ILRUN: variants seen among roughly 807,000 people sequenced by gnomAD.
The protein encoded by ILRUN is protein ILRUN.
In ILRUN, 3 loss-of-function variants were observed where a neutral mutation model predicts 33.8. The ratio of observed to expected loss-of-function variants is 0.09; its 90% CI spans 0.04 to 0.23. The LOEUF is 0.23. Ranked by LOEUF, ILRUN falls within the 10% of genes least tolerant of loss-of-function variation. ILRUN has a pLI of 1.00. For synonymous variants in ILRUN, 124 were observed against 138.9 expected, an observed-to-expected ratio of 0.89 and a Z score of 0.75; for missense variants, 210 against 375.1, an observed-to-expected ratio of 0.56 and a Z score of 3.64.
chr6:34,653,932 T>C lies in ILRUN; in HGVS notation c.313+693A>G, dbSNP rs191868605. Reference sequence around the variant, plus strand: ...GCTATAGTGAGCCATGATCACAACATTGCACTCCAGCCTGGGCAACAGAGC... The same window carrying C: ...GCTATAGTGAGCCATGATCACAACACTGCACTCCAGCCTGGGCAACAGAGC... On this transcript the variant is annotated intron_variant, in intron 2 of 4. Transcript: ENST00000374023. Among the ~76,000 whole-genome samples, 29 of 148,356 alleles carry C rather than the reference T, an allele frequency of 2.0e-4. No individual in the cohort carries two copies. In the South Asian group the frequency reaches 2.6e-3, roughly 13 times the overall value.
intron 1 of ILRUN, among the ~76,000 whole-genome samples, chr6:34,657,655 T>C (rs1762801822): frequency 1.3e-5 from 2 of 152,172 alleles, no homozygotes; most frequent in African/African-American, 4.8e-5. Flanking sequence ...GCCCGAGTGA[T>C]CTAACCCATC....
At chr6:34,616,777 A>G (rs1191503322) in intron 3 of ILRUN, 2 of 691,498 alleles carry the variant, frequency 2.9e-6, no homozygotes. Context: ...CAGAACTCAA[A>G]TTGGCATTTA....
intron 4 of ILRUN, among the ~76,000 whole-genome samples, chr6:34,599,209 T>C (rs1440490656): frequency 6.6e-6 from 1 of 152,252 alleles, no homozygotes; most frequent in Non-Finnish European, 1.5e-5. Flanking sequence ...AAGTTACTTA[T>C]AATACTTCCC....
intron 1 of ILRUN, 146 bp downstream of exon 1, chr6:34,696,300 G>A: frequency 1.2e-6 from 1 of 823,356 alleles, no homozygotes; most frequent in Admixed American, 2.9e-5. Flanking sequence ...TGCCCACGGG[G>A]CTCCCCGACT....
At chr6:34,660,782 T>G (rs2127370371) in intron 1 of ILRUN, among the ~76,000 whole-genome samples, 1 of 152,330 alleles carries the variant, frequency 6.6e-6, no homozygotes, top group South Asian at 2.1e-4. Context: ...CATTACATAC[T>G]TGTAACTACT....
intron 3 of ILRUN, among the ~76,000 whole-genome samples, chr6:34,639,003 T>C (rs1008077444): frequency 1.1e-4 from 17 of 152,238 alleles, no homozygotes; most frequent in East Asian, 7.7e-4. Context: ...TGTAACATGA[T>C]GTTACTAAAA....
intron 3 of ILRUN, 91 bp from the exon 4 acceptor site, chr6:34,606,995 C>T: frequency 2.1e-6 from 2 of 956,390 alleles, no homozygotes; most frequent in Non-Finnish European, 1.6e-6. Flanking sequence ...TTATCCAAAC[C>T]ACAGAATGAA....
chr6:34,614,410 A>C (rs1313096764), intron 3 of ILRUN, among the ~76,000 whole-genome samples: 1 of 145,068 alleles, frequency 6.9e-6, no homozygotes, highest in Non-Finnish European at 1.5e-5. Flanking sequence ...CGACAGAGCA[A>C]GACTCCATCT....
chr6:34,637,858 C>CTGT (rs1162665863), intron 3 of ILRUN, among the ~76,000 whole-genome samples: 59 of 127,494 alleles, frequency 4.6e-4, no homozygotes, highest in African/African-American at 1.3e-3. Context: ...GCTGCTGCTG[C>CTGT]TGCTGCTGTT....
intron 1 of ILRUN, among the ~76,000 whole-genome samples, chr6:34,689,677 G>C (rs938114555): frequency 2.0e-5 from 3 of 151,826 alleles, no homozygotes; most frequent in Non-Finnish European, 4.4e-5. Context: ...GGATTAACAG[G>C]CAAAGAAGGT....
chr6:34,620,984 TAG>T (rs1267603800), intron 3 of ILRUN, among the ~76,000 whole-genome samples: 2 of 152,230 alleles, frequency 1.3e-5, no homozygotes, highest in African/African-American at 4.8e-5. Context: ...CACTACTTTA[TAG>T]GAGTCTGCTC....
intron 3 of ILRUN, chr6:34,616,825 G>A: frequency 1.4e-6 from 1 of 700,722 alleles, no homozygotes; most frequent in Non-Finnish European, 2.6e-6. Context: ...TGAACCCAAA[G>A]GTCTGAAAGG....
At chr6:34,672,693 A>G (rs564058428) in intron 1 of ILRUN, among the ~76,000 whole-genome samples, 11 of 152,302 alleles carry the variant, frequency 7.2e-5, no homozygotes, top group African/African-American at 2.6e-4. Context: ...CCAGAAAACA[A>G]AGCAAACATT....
chr6:34,637,562 T>A (rs79454986), intron 3 of ILRUN, among the ~76,000 whole-genome samples: 1 of 152,136 alleles, frequency 6.6e-6, no homozygotes, highest in African/African-American at 2.4e-5. Context: ...TCTATACATG[T>A]GTATGGTAAG....
intron 3 of ILRUN, among the ~76,000 whole-genome samples, chr6:34,642,526 C>T (rs1247474174): frequency 2.0e-5 from 3 of 152,118 alleles, no homozygotes. Context: ...GGCTTTACCA[C>T]TGTGATCTTA....
At chr6:34,681,425 T>C (rs1763355408) in intron 1 of ILRUN, among the ~76,000 whole-genome samples, 1 of 152,064 alleles carries the variant, frequency 6.6e-6, no homozygotes, top group Non-Finnish European at 1.5e-5. Flanking sequence ...TTCCAACAAG[T>C]GAAAAACGTA....
chr6:34,651,749 T>TA (rs1346248466), intron 2 of ILRUN, among the ~76,000 whole-genome samples: 2,548 of 139,604 alleles, frequency 0.018, 58 homozygotes, highest in African/African-American at 0.05. Context: ...AAAAAAAAAA[T>TA]TATATATATA....
At chr6:34,600,230 G>T (rs537422108) in intron 4 of ILRUN, among the ~76,000 whole-genome samples, 6 of 152,180 alleles carry the variant, frequency 3.9e-5, no homozygotes, top group Admixed American at 3.9e-4. Context: ...CCCGCAAAAC[G>T]CTCCACAATC....
intron 4 of ILRUN, among the ~76,000 whole-genome samples, chr6:34,605,491 T>C (rs1034328077): frequency 1.3e-5 from 2 of 151,312 alleles, no homozygotes; most frequent in Non-Finnish European, 2.9e-5. Context: ...TAGCCAGGCA[T>C]GGTGGTGGGC....
Sources: gnomAD v4.1 joint callset for allele counts (sites outside exome capture counted in the v4.1 genomes callset) on GRCh38, gnomAD v4.1.1 for gene constraint, MANE v1.5 for transcripts, NCBI Gene and HGNC (gene_info 2026-07-23, HGNC 2026-07-21) for gene names.